The following MMP16 variants were observed in gnomAD, a reference collection of about 807,000 sequenced individuals.
MMP16 encodes matrix metallopeptidase 16, also known as matrix metalloproteinase-16.
A neutral mutation model predicts 67.8 loss-of-function variants in MMP16; 12 were observed. The observed-to-expected ratio is 0.18, with a 90% CI of 0.11 to 0.29. The LOEUF is 0.29. Among genes scored for constraint, MMP16 ranks in the 10% least tolerant of loss-of-function variants. MMP16 has a pLI of 1.00. For missense variants in MMP16, 475 were observed against 765.7 expected (o/e 0.62, Z 4.48); for synonymous variants, 249 against 255.9 (o/e 0.97, Z 0.26).
intron 6 of MMP16, among the ~76,000 whole-genome samples, chr8:88,083,708 T>C (rs758823511): frequency 4.6e-5 from 7 of 152,052 alleles, no homozygotes; most frequent in Non-Finnish European, 7.4e-5. Flanking sequence ...TCATCTCTAG[T>C]TCATGAGAGT....
At chr8:88,294,478 G>A (rs1810979579) in intron 1 of MMP16, among the ~76,000 whole-genome samples, 1 of 148,372 alleles carries the variant, frequency 6.7e-6, no homozygotes, top group African/African-American at 2.5e-5. Flanking sequence ...ACACACATAT[G>A]TATGTCTCTA....
chr8:88,317,946 A>T (rs1343657471), intron 1 of MMP16, among the ~76,000 whole-genome samples: 2 of 152,202 alleles, frequency 1.3e-5, no homozygotes, highest in Non-Finnish European at 2.9e-5. Context: ...ATCTCTGAAA[A>T]ATGTCGCTTT....
At chr8:88,288,340 C>G (rs1409236739) in intron 1 of MMP16, among the ~76,000 whole-genome samples, 2 of 152,098 alleles carry the variant, frequency 1.3e-5, no homozygotes, top group Non-Finnish European at 1.5e-5. Context: ...TTCAGGACAC[C>G]ATTTTTTTTC....
At chr8:88,066,282 G>A (rs2118252649) in intron 7 of MMP16, among the ~76,000 whole-genome samples, 1 of 152,086 alleles carries the variant, frequency 6.6e-6, no homozygotes, top group South Asian at 2.1e-4. Flanking sequence ...AATTGAGAAT[G>A]TACACCTGGC....
intron 1 of MMP16, among the ~76,000 whole-genome samples, chr8:88,294,511 T>C (rs1563587021): frequency 6.8e-6 from 1 of 146,474 alleles, no homozygotes; most frequent in Admixed American, 7.0e-5. Flanking sequence ...TATATGTCTC[T>C]ACACACACAT....
chr8:88,115,283 T>G (rs1362016729), intron 6 of MMP16, among the ~76,000 whole-genome samples: 1 of 152,034 alleles, frequency 6.6e-6, no homozygotes, highest in African/African-American at 2.4e-5. Context: ...CCACAATGAG[T>G]AACAATATGA....
intron 1 of MMP16, among the ~76,000 whole-genome samples, chr8:88,250,341 C>T (rs189890155): frequency 3.3e-5 from 5 of 152,114 alleles, no homozygotes; most frequent in East Asian, 1.9e-4. Context: ...TTCAAGTCTA[C>T]GTACTTGACA....
chr8:88,172,518 C>A (rs1033808999), intron 3 of MMP16, among the ~76,000 whole-genome samples: 2 of 152,050 alleles, frequency 1.3e-5, no homozygotes, highest in Non-Finnish European at 2.9e-5. Context: ...ACAGAGTGAT[C>A]ATGAGGTAAT....
chr8:88,288,011 C>T (rs1268836085), intron 1 of MMP16, among the ~76,000 whole-genome samples: 3 of 152,292 alleles, frequency 2.0e-5, no homozygotes, highest in Non-Finnish European at 2.9e-5. Context: ...ATATTTCAAA[C>T]GTAACACAAA....
At chr8:88,191,570 T>C (rs1196574034) in intron 2 of MMP16, among the ~76,000 whole-genome samples, 5 of 152,088 alleles carry the variant, frequency 3.3e-5, no homozygotes, top group Non-Finnish European at 7.4e-5. Flanking sequence ...TTTTGGTACT[T>C]TGATAATAGA....
chr8:88,325,260 A>T (rs1047409256), intron 1 of MMP16, among the ~76,000 whole-genome samples: 1 of 152,236 alleles, frequency 6.6e-6, no homozygotes, highest in African/African-American at 2.4e-5. Context: ...GGATTCCAAT[A>T]TAAAGAAATA....
At chr8:88,042,724 A>G (rs1052757994) in intron 9 of MMP16, among the ~76,000 whole-genome samples, 22 of 152,188 alleles carry the variant, frequency 1.4e-4, no homozygotes, top group African/African-American at 4.8e-4. Flanking sequence ...TTTCTAAAAC[A>G]TTATGAATGC....
At chr8:88,051,897 AG>A (rs1241647047) in intron 8 of MMP16, among the ~76,000 whole-genome samples, 2 of 152,188 alleles carry the variant, frequency 1.3e-5, no homozygotes, top group Non-Finnish European at 2.9e-5. Context: ...AACATATCCA[AG>A]TACCAAATTG....
chr8:88,093,003 C>T (rs28906389), intron 6 of MMP16, among the ~76,000 whole-genome samples: 3,474 of 151,720 alleles, frequency 0.023, 128 homozygotes, highest in African/African-American at 0.079. Flanking sequence ...TAAATATTTC[C>T]AAATATTCTA....
chr8:88,042,590 T>C (rs1336730612), intron 9 of MMP16, among the ~76,000 whole-genome samples: 1 of 152,220 alleles, frequency 6.6e-6, no homozygotes, highest in African/African-American at 2.4e-5. Context: ...TTATTCATTA[T>C]TTTAAGAATA....
intron 1 of MMP16, among the ~76,000 whole-genome samples, chr8:88,197,716 T>C (rs12546847): frequency 0.24 from 35,760 of 151,992 alleles, 5,674 homozygotes; most frequent in East Asian, 0.53. Flanking sequence ...TCAATGTGCA[T>C]ATACCACATT....
At chr8:88,264,431 C>A (rs373145085) in intron 1 of MMP16, among the ~76,000 whole-genome samples, 10 of 152,214 alleles carry the variant, frequency 6.6e-5, no homozygotes, top group Middle Eastern at 3.4e-3. Flanking sequence ...TAACTCCTGG[C>A]CTGAAGTTCT....
At position 88,139,651 on chromosome 8, in the gene MMP16, AT is replaced by A. The variant is rs1291436830; in HGVS notation, c.710-20791del. 5.3e-5 allele frequency among the ~76,000 whole-genome samples: 8 copies of A among 152,274 alleles called. No homozygotes were observed. The East Asian group carries it at 1.5e-3, about 29-fold the overall frequency. ...GATATGAGCAGAAGAATCAAAGTTA[AT>A]AGCATTCAATTTTTATATAGCCATT... On this transcript the variant is annotated intron_variant, in intron 4 of 9. Transcript: ENST00000286614.
chr8:88,180,314 T>A, intron 3 of MMP16, among the ~76,000 whole-genome samples: 1 of 146,334 alleles, frequency 6.8e-6, no homozygotes, highest in African/African-American at 2.5e-5. Flanking sequence ...AATATGCCAA[T>A]AAAAACAGCA....
Sources: allele counts gnomAD v4.1 joint callset (sites outside exome capture counted in the v4.1 genomes callset), GRCh38; gene constraint gnomAD v4.1.1; transcripts MANE v1.5; gene names NCBI Gene and HGNC (gene_info 2026-07-23, HGNC 2026-07-21).